The following CYFIP1 variants were observed in gnomAD, a reference collection of about 807,000 sequenced individuals.
CYFIP1 encodes the protein cytoplasmic FMR1 interacting protein 1, also known as cytoplasmic FMR1-interacting protein 1.
In CYFIP1, 58 loss-of-function variants were observed where a neutral mutation model predicts 163.5. The ratio of observed to expected loss-of-function variants is 0.35; its 90% CI spans 0.29 to 0.44. CYFIP1 has a LOEUF of 0.44. Ranked by LOEUF, CYFIP1 falls within the 20% of genes least tolerant of loss-of-function variation. The pLI is 1.00. For missense variants in CYFIP1, 1,338 were observed against 1,653.8 expected (o/e 0.81, Z 3.31); for synonymous variants, 663 against 660.7 (o/e 1.00, Z -0.05).
intron 1 of CYFIP1, among the ~76,000 whole-genome samples, chr15:22,957,988 C>T (rs917147686): frequency 5.9e-5 from 9 of 152,162 alleles, no homozygotes; most frequent in Admixed American, 1.3e-4. Flanking sequence ...ACGGCCTGAC[C>T]GCACGGCTGC....
intron 23 of CYFIP1, among the ~76,000 whole-genome samples, chr15:22,886,775 C>A (rs2059937467): frequency 6.6e-6 from 1 of 152,122 alleles, no homozygotes; most frequent in Non-Finnish European, 1.5e-5. Context: ...GGTAGAGGAA[C>A]CTACACACGT....
intron 1 of CYFIP1, among the ~76,000 whole-genome samples, chr15:22,958,540 G>C (rs1043391590): frequency 4.6e-5 from 7 of 152,208 alleles, no homozygotes; most frequent in African/African-American, 7.2e-5. Flanking sequence ...CTGAAAGAGA[G>C]CACGTCTCCA....
At position 22,870,212 on chromosome 15, in the gene CYFIP1, G is replaced by A. The variant is rs770354558; in HGVS notation, c.3598-20C>T. 3.1e-6 allele frequency: 5 copies of A among 1,594,738 alleles called. No individual in the cohort carries two copies. The highest frequency in any genetic ancestry group is 3.6e-5 in the Admixed American group (2 of 55,288). On this transcript the variant is annotated intron_variant, in intron 30 of 30. Coordinates refer to ENST00000617928, the MANE Select transcript of CYFIP1 (RefSeq NM_014608.6). ...CAAAGGCTACAACCATCAAAGTGAGGATGTTTTACTATTAACACTTCAACA... is the reference window on the plus strand; with the variant it reads ...CAAAGGCTACAACCATCAAAGTGAGAATGTTTTACTATTAACACTTCAACA...
intron 13 of CYFIP1, among the ~76,000 whole-genome samples, chr15:22,921,303 G>A (rs191616576): frequency 4.2e-4 from 64 of 152,076 alleles, no homozygotes; most frequent in Admixed American, 3.1e-3. Flanking sequence ...GGGAGGTGGA[G>A]GTTGCAGTGA....
intron 13 of CYFIP1, among the ~76,000 whole-genome samples, chr15:22,924,830 C>T (rs1052783926): frequency 5.3e-5 from 8 of 151,994 alleles, no homozygotes; most frequent in African/African-American, 7.3e-5. Flanking sequence ...CCAGCACTTT[C>T]GGAGGCTGAG....
intron 12 of CYFIP1, among the ~76,000 whole-genome samples, 172 bp from the exon 13 acceptor site, chr15:22,926,279 C>T (rs568724057): frequency 6.6e-6 from 1 of 152,310 alleles, no homozygotes; most frequent in Non-Finnish European, 1.5e-5. Context: ...GGGCAAAAGA[C>T]CCTGGCCCTG....
chr15:22,979,966 G>C (rs1034214955), intron 1 of CYFIP1, among the ~76,000 whole-genome samples: 1 of 152,130 alleles, frequency 6.6e-6, no homozygotes, highest in African/African-American at 2.4e-5. Context: ...TCCGGGATCC[G>C]GGGGCGCGAG....
chr15:22,883,524 A>G (rs1190373587), intron 23 of CYFIP1, among the ~76,000 whole-genome samples: 1 of 152,202 alleles, frequency 6.6e-6, no homozygotes, highest in South Asian at 2.1e-4. Flanking sequence ...ATTTTAAAAA[A>G]AAGCAGGTTT....
At chr15:22,871,651 AAT>A (rs944158647) in intron 30 of CYFIP1, among the ~76,000 whole-genome samples, 4 of 152,190 alleles carry the variant, frequency 2.6e-5, no homozygotes, top group Non-Finnish European at 5.9e-5. Context: ...CAGTGGGCTC[AAT>A]ATAGTCACAG....
chr15:22,948,808 T>TAAAAA (rs3083516), intron 1 of CYFIP1, among the ~76,000 whole-genome samples: 1 of 139,704 alleles, frequency 7.2e-6, no homozygotes, highest in East Asian at 2.1e-4. Flanking sequence ...TACTGAAATG[T>TAAAAA]AAAAAAAAAA....
chr15:22,914,729 A>G lies in CYFIP1; in HGVS notation c.1982T>C (p.Met661Thr). The G allele has an allele frequency of 6.2e-7, 1 of 1,610,666 alleles. No individual in the cohort carries two copies. The highest frequency in any genetic ancestry group is 8.5e-7 in the Non-Finnish European group (1 of 1,178,248). The change falls in exon 17 of 31, where the codon ATG (methionine) becomes ACG (threonine). Residue 661 changes from methionine to threonine, a missense_variant. Met to Thr is a moderately conservative substitution (Grantham distance 81). Around this residue, in one of 4 missense-constraint regions of CYFIP1, gnomAD observed 824 missense variants for 995.7 expected, o/e 0.83. Transcript: ENST00000617928. ...HILETKEASM[M>T]EYVLYSLDLY... is the part of the protein sequence containing the mutation. ...GACAGGCCCGCAGGACACGCACTCC[A>G]TCATCGATGCCTCCTTGGTCTCCAG...
rs1057420513 is a variant in CYFIP1 at position 22,867,057 on chromosome 15, A to G, written c.*2971T>C. The G allele has an allele frequency of 9.5e-6, 5 of 523,884 alleles. No homozygotes were observed. Among genetic ancestry groups the G allele is most frequent in the Non-Finnish European group, 1.7e-5 (5 of 301,918 alleles). 32.5% of individuals were successfully genotyped at this position (523,884 alleles called of 1,614,324 possible). A position where few individuals can be genotyped will look rare whatever the true frequency, so the allele number is the denominator to read the frequency against. On this transcript the variant is annotated 3_prime_UTR_variant, in exon 31 of 31. Coordinates refer to ENST00000617928, the MANE Select transcript of CYFIP1 (RefSeq NM_014608.6). ...ATGACCTCAGCACATGACGATTTCT[A>G]TTAACATTTTATTGTTGTAGAAGTA...
At chr15:22,925,887 A>G (rs2061341210) in intron 13 of CYFIP1, 95 bp downstream of exon 13, 1 of 1,544,788 alleles carries the variant, frequency 6.5e-7, no homozygotes, top group Non-Finnish European at 8.8e-7. Flanking sequence ...AGCAATGAGT[A>G]AACAGGCAGT....
At chr15:22,937,275 T>C (rs2061740845) in intron 8 of CYFIP1, 67 bp from the exon 9 acceptor site, 2 of 897,864 alleles carry the variant, frequency 2.2e-6, no homozygotes, top group Non-Finnish European at 3.7e-6. Flanking sequence ...CCATAAGGAC[T>C]TACACTGTTA....
intron 30 of CYFIP1, 120 bp from the exon 31 acceptor site, chr15:22,870,312 C>A: frequency 8.0e-7 from 1 of 1,246,278 alleles, no homozygotes; most frequent in Admixed American, 2.7e-5. Flanking sequence ...AATTGACACA[C>A]ATACTGTTCT....
rs200432181 is a variant in CYFIP1, at chr15:22,917,830, G to T, written c.1632C>A (p.Asp544Glu). ...CCACGGCGCGGCGTGGTACTTTTAT[G>T]TCGAAGCCGCTCTTGGGGTCCTTCT... The part of the protein sequence containing the change: ...RGEKDPKSGF[D>E]IKVPRRAVGP... The change falls in exon 15 of 31, where the codon GAC (aspartate) becomes GAA (glutamate). Residue 544 changes from aspartate to glutamate, a missense_variant. Coordinates refer to ENST00000617928, the MANE Select transcript of CYFIP1 (RefSeq NM_014608.6). The surrounding 1 kb of genome is among the most constrained non-coding windows in gnomAD (Gnocchi z 4.2). 1.2e-5 allele frequency: 20 copies of T among 1,613,708 alleles called. No homozygotes were observed. The highest frequency in any genetic ancestry group is 1.3e-5 in the Non-Finnish European group (15 of 1,179,942).
intron 23 of CYFIP1, among the ~76,000 whole-genome samples, chr15:22,890,430 G>A (rs1016897705): frequency 6.6e-6 from 1 of 152,178 alleles, no homozygotes; most frequent in Non-Finnish European, 1.5e-5. Context: ...AAGTGAGGGG[G>A]AGCCCCGTAA....
At chr15:22,871,621 G>A (rs1264839966) in intron 30 of CYFIP1, among the ~76,000 whole-genome samples, 1 of 152,140 alleles carries the variant, frequency 6.6e-6, no homozygotes, top group Non-Finnish European at 1.5e-5. Context: ...TGTAGAACAG[G>A]GAGAGTATCT....
At chr15:22,936,070 G>A (rs113137515) in intron 9 of CYFIP1, among the ~76,000 whole-genome samples, 128 of 152,142 alleles carry the variant, frequency 8.4e-4, no homozygotes, top group African/African-American at 2.9e-3. Flanking sequence ...CCAGGAGTTC[G>A]AGACCAGCCT....
Sources: gnomAD v4.1 joint callset for allele counts (sites outside exome capture counted in the v4.1 genomes callset) on GRCh38, gnomAD v4.1.1 for gene constraint, gnomAD v4.1.1 regional missense constraint, Gnocchi (gnomAD v3.1) non-coding constraint, MANE v1.5 for transcripts, NCBI Gene and HGNC (gene_info 2026-07-23, HGNC 2026-07-21) for gene names.